AXIN1: variants seen among roughly 807,000 people sequenced by gnomAD.
AXIN1 encodes the protein axin-1.
In AXIN1, 30 loss-of-function variants were observed where a neutral mutation model predicts 76.4. The observed-to-expected ratio is 0.39, with a 90% CI of 0.29 to 0.53. AXIN1 has a LOEUF of 0.53. AXIN1 is among the 20% of genes least tolerant of loss of function. The pLI, the probability that AXIN1 is intolerant of heterozygous loss-of-function variation, is 0.66. For synonymous variants in AXIN1, 545 were observed against 501.4 expected, an observed-to-expected ratio of 1.09 and a Z score of -1.16; for missense variants, 1,140 against 1,198.8, an observed-to-expected ratio of 0.95 and a Z score of 0.72.
chr16:297,006 A>G (rs2052727969), intron 7 of AXIN1, 50 bp downstream of exon 7: 1 of 1,596,598 alleles, frequency 6.3e-7, no homozygotes. Context: ...TGCGGAGGCC[A>G]GGGGTGGCAA....
intron 2 of AXIN1, among the ~76,000 whole-genome samples, chr16:316,945 G>T (rs1253678069): frequency 2.0e-5 from 3 of 152,208 alleles, no homozygotes; most frequent in Non-Finnish European, 4.4e-5. Context: ...ACAGGTCACA[G>T]TGACACAAGA....
At chr16:300,798 C>T (rs1597006506) in intron 5 of AXIN1, among the ~76,000 whole-genome samples, 1 of 152,140 alleles carries the variant, frequency 6.6e-6, no homozygotes, top group Non-Finnish European at 1.5e-5. Flanking sequence ...AAATCTTAAC[C>T]GAGGGTCTTC....
At position 335,815 on chromosome 16, in the gene AXIN1, G is replaced by A. The variant is rs145401582; in HGVS notation, c.878+10333C>T. Among the ~76,000 whole-genome samples the A allele has an allele frequency of 2.2e-4, 34 of 151,928 alleles. No individual in the cohort carries two copies. The East Asian group carries it at 4.1e-3, about 18-fold the overall frequency. On this transcript the variant is annotated intron_variant, in intron 2 of 10. Transcript: ENST00000262320. ...TATCCAAGAGGTTTTACAGTGAGGA[G>A]AAGAATATTCACAAGCACTCTATTG...
At chr16:326,394 T>TATATAC (rs144093618) in intron 2 of AXIN1, among the ~76,000 whole-genome samples, 10 of 119,676 alleles carry the variant, frequency 8.4e-5, no homozygotes, top group African/African-American at 1.8e-4. Context: ...TATATATATA[T>TATATAC]ACACACCTAT....
intron 4 of AXIN1, among the ~76,000 whole-genome samples, chr16:308,056 G>C (rs2053074767): frequency 6.6e-6 from 1 of 152,330 alleles, no homozygotes; most frequent in East Asian, 1.9e-4. Context: ...GTTTGCTGCA[G>C]ACTGTTCACA....
At position 298,051 on chromosome 16, in the gene AXIN1, C is replaced by T. The variant is rs2141513638; in HGVS notation, c.1455G>A (p.Gln485=). The change falls in exon 6 of 11, where the codon CAG becomes CAA. Residue 485 remains glutamine, a synonymous_variant. Transcript: ENST00000262320. ...VQRVLRTPGR[Q]SPGPGHRSPD... is the part of the protein sequence containing the mutation. ...GGGAGCGATGGCCAGGCCCAGGCGA[C>T]TGGCGGCCAGGTGTCCTCAGCACAC... is the stretch of plus-strand genomic sequence containing the variant. 1 of 1,579,584 alleles carries T rather than the reference C, an allele frequency of 6.3e-7. No homozygotes were observed. The highest frequency in any genetic ancestry group is 8.6e-7 in the Non-Finnish European group (1 of 1,168,364).
chr16:320,723 G>GTATATATA (rs754089481), intron 2 of AXIN1, among the ~76,000 whole-genome samples: 5 of 120,096 alleles, frequency 4.2e-5, no homozygotes, highest in East Asian at 2.1e-4. Context: ...GCGTGTGTGT[G>GTATATATA]TATATATATA....
chr16:342,338 G>A (rs920326375), intron 2 of AXIN1, among the ~76,000 whole-genome samples: 36 of 152,106 alleles, frequency 2.4e-4, no homozygotes, highest in Non-Finnish European at 4.1e-4. Context: ...GCAAGGGTCC[G>A]CGGCTTCATT....
Position 293,070 on chromosome 16 carries a change from CAG to C in AXIN1, c.2186+416_2186+417del. 1 of 249,464 alleles carries C rather than the reference CAG, an allele frequency of 4.0e-6. No homozygotes were observed. The highest frequency in any genetic ancestry group is 6.7e-5 in the South Asian group (1 of 15,034). 15.5% of individuals were successfully genotyped at this position (249,464 alleles called of 1,614,324 possible). A position where few individuals can be genotyped will look rare whatever the true frequency, so the allele number is the denominator to read the frequency against. ...AGCTTTCCGACCGTGCAGAGCCACTCAGGGCTCCTGGGACGCAACTGTCAAGA... is the reference window on the plus strand; with the variant it reads ...AGCTTTCCGACCGTGCAGAGCCACTCGGCTCCTGGGACGCAACTGTCAAGA... On this transcript the variant is annotated intron_variant, in intron 8 of 10. Transcript: ENST00000262320. The surrounding 1 kb of genome is among the most constrained non-coding windows in gnomAD (Gnocchi z 4.6).
intron 2 of AXIN1, among the ~76,000 whole-genome samples, chr16:340,889 C>T (rs1339851697): frequency 6.6e-6 from 1 of 152,254 alleles, no homozygotes; most frequent in East Asian, 1.9e-4. Context: ...GGCTCACACA[C>T]GGACCAACAA....
At chr16:322,529 A>C (rs532915115) in intron 2 of AXIN1, among the ~76,000 whole-genome samples, 8 of 152,176 alleles carry the variant, frequency 5.3e-5, no homozygotes, top group Non-Finnish European at 1.5e-5. Flanking sequence ...CTGGGCACAG[A>C]GGCAGAATCC....
intron 2 of AXIN1, among the ~76,000 whole-genome samples, chr16:317,991 G>A (rs536712359): frequency 1.1e-4 from 16 of 152,302 alleles, no homozygotes; most frequent in South Asian, 8.3e-4. Context: ...CTACGTCCAC[G>A]GCACACGGGT....
intron 2 of AXIN1, among the ~76,000 whole-genome samples, chr16:324,231 A>G (rs1264031284): frequency 6.6e-6 from 1 of 152,214 alleles, no homozygotes; most frequent in African/African-American, 2.4e-5. Context: ...ACGGGTCGGC[A>G]CTGGGCACGA....
Position 287,829 on chromosome 16 carries a change from G to GC in AXIN1, c.*292_*293insG, listed in dbSNP as rs2052424360. On this transcript the variant is annotated 3_prime_UTR_variant, in exon 11 of 11. Coordinates refer to ENST00000262320, the MANE Select transcript of AXIN1 (RefSeq NM_003502.4). ...TGCCCAAGGGAGGTGCCGGGGGATG[G>GC]GGGGGGGTCACCTGAAGCTGGCAGC... 7.7e-6 allele frequency: 4 copies of GC among 517,442 alleles called. No individual in the cohort carries two copies. Among genetic ancestry groups the GC allele is most frequent in the Non-Finnish European group, 1.4e-5 (4 of 285,374 alleles). The allele number at this position is 517,442 out of a possible 1,614,324, so 32.1% of individuals were successfully genotyped here. A position where few individuals can be genotyped will look rare whatever the true frequency, so the allele number is the denominator to read the frequency against.
rs184239346 is a variant in AXIN1 at position 319,704 on chromosome 16, C to T, written c.879-5021G>A. ...GCTGCTCCCACATCCAGCATGGCCA[C>T]GGCACCGGCTCTCTGGTCACTGTGG... On this transcript the variant is annotated intron_variant, in intron 2 of 10. Coordinates refer to ENST00000262320, the MANE Select transcript of AXIN1 (RefSeq NM_003502.4). 1.2e-4 allele frequency among the ~76,000 whole-genome samples: 18 copies of T among 152,344 alleles called. No individual in the cohort carries two copies. The East Asian group carries it at 1.5e-3, about 13-fold the overall frequency.
intron 2 of AXIN1, among the ~76,000 whole-genome samples, chr16:338,367 C>T (rs2053849001): frequency 6.6e-6 from 1 of 152,216 alleles, no homozygotes; most frequent in Non-Finnish European, 1.5e-5. Context: ...AGCACCAGCA[C>T]CAGGGCCAGG....
At chr16:318,808 G>A (rs938597883) in intron 2 of AXIN1, among the ~76,000 whole-genome samples, 1 of 152,376 alleles carries the variant, frequency 6.6e-6, no homozygotes, top group Admixed American at 6.5e-5. Context: ...TCAGACAGTG[G>A]AGATGCTGAC....
At chr16:311,564 G>A (rs868808895) in intron 3 of AXIN1, among the ~76,000 whole-genome samples, 3 of 151,506 alleles carry the variant, frequency 2.0e-5, no homozygotes, top group Non-Finnish European at 2.9e-5. Flanking sequence ...GAGGTCAGGA[G>A]ATCGAGACCA....
rs376476300 is a variant in AXIN1 at position 290,031 on chromosome 16, G to A, written c.2295-424C>T. 1.2e-4 allele frequency: 33 copies of A among 271,262 alleles called. No individual in the cohort carries two copies. In the East Asian group the frequency reaches 2.6e-3, roughly 21 times the overall value. The allele number at this position is 271,262 out of a possible 1,614,324, so 16.8% of individuals were successfully genotyped here. ...ATTTCTGGATAAGCCTGACCCCGCA[G>A]CGAAGTTTGTCGGAGGACTGGGGCG... On this transcript the variant is annotated intron_variant, in intron 9 of 10. Transcript: ENST00000262320.
Sources: allele counts gnomAD v4.1 joint callset (sites outside exome capture counted in the v4.1 genomes callset), GRCh38; gene constraint gnomAD v4.1.1; non-coding constraint Gnocchi (gnomAD v3.1); transcripts MANE v1.5; gene names NCBI Gene and HGNC (gene_info 2026-07-23, HGNC 2026-07-21).